The following PCCB variants were observed in gnomAD, a reference collection of about 807,000 sequenced individuals.
The protein encoded by PCCB is propionyl-CoA carboxylase beta chain, mitochondrial.
PCCB carries 43 observed loss-of-function variants against 60.7 expected under a neutral mutation model. That is an observed-to-expected ratio of 0.71 (90% CI 0.55 to 0.91). The LOEUF (loss-of-function observed/expected upper bound fraction) is 0.91. PCCB is among the 40% of genes least tolerant of loss of function. The pLI is 0.00. For missense variants in PCCB, 766 were observed against 702.8 expected (o/e 1.09, Z -1.02); for synonymous variants, 276 against 255.9 (o/e 1.08, Z -0.75).
rs1275355301 is a variant in PCCB at position 136,326,693 on chromosome 3, T to C, written c.1091-110T>C. On this transcript the variant is annotated intron_variant, in intron 10 of 14. Transcript: ENST00000251654. Reference sequence around the variant, plus strand: ...TTACCATTCTGCAACAAAGAAGTGTTGGTGCCTCCACAGAAACCAGCTTTG... The same window carrying C: ...TTACCATTCTGCAACAAAGAAGTGTCGGTGCCTCCACAGAAACCAGCTTTG... The C allele has an allele frequency of 8.7e-6, 7 of 801,568 alleles. No homozygotes were observed. In the East Asian group the frequency reaches 1.2e-4, roughly 14 times the overall value. The allele number at this position is 801,568 out of a possible 1,614,324, so 49.7% of individuals were successfully genotyped here.
intron 5 of PCCB, among the ~76,000 whole-genome samples, chr3:136,278,183 A>G (rs1942382532): frequency 1.3e-5 from 2 of 151,994 alleles, no homozygotes; most frequent in Admixed American, 6.6e-5. Flanking sequence ...TGCTCCCTAA[A>G]TCAGTCCCAG....
intron 9 of PCCB, among the ~76,000 whole-genome samples, chr3:136,314,433 T>C (rs1465013903): frequency 6.6e-6 from 1 of 152,130 alleles, no homozygotes; most frequent in Non-Finnish European, 1.5e-5. Flanking sequence ...GGAGGGCGGA[T>C]TGCTCGAGCT....
chr3:136,317,379 A>G (rs941923831), intron 10 of PCCB, among the ~76,000 whole-genome samples: 3 of 150,626 alleles, frequency 2.0e-5, no homozygotes, highest in Non-Finnish European at 3.0e-5. Flanking sequence ...ATACCACCAT[A>G]CCTGACTAAT....
At chr3:136,298,386 G>C (rs1170244074) in intron 8 of PCCB, among the ~76,000 whole-genome samples, 1 of 151,602 alleles carries the variant, frequency 6.6e-6, no homozygotes, top group Non-Finnish European at 1.5e-5. Flanking sequence ...GTTTTTTTTG[G>C]TCTGGCCTAG....
At chr3:136,283,227 C>T (rs1034646438) in intron 5 of PCCB, among the ~76,000 whole-genome samples, 3 of 152,076 alleles carry the variant, frequency 2.0e-5, no homozygotes, top group Admixed American at 6.5e-5. Context: ...TTTTGAGCCC[C>T]CACATCCTAT....
intron 5 of PCCB, among the ~76,000 whole-genome samples, chr3:136,267,053 C>T (rs945462666): frequency 4.9e-4 from 75 of 151,900 alleles, no homozygotes; most frequent in Non-Finnish European, 3.2e-4. Flanking sequence ...CAGCTAATTT[C>T]TTTGTATTTT....
intron 5 of PCCB, among the ~76,000 whole-genome samples, chr3:136,276,728 T>C (rs990416710): frequency 6.6e-6 from 1 of 152,158 alleles, no homozygotes; most frequent in Non-Finnish European, 1.5e-5. Context: ...GGAGAGAAGA[T>C]ACCTTCTCCA....
chr3:136,299,226 G>A (rs1435482671), intron 8 of PCCB, among the ~76,000 whole-genome samples: 1 of 151,946 alleles, frequency 6.6e-6, no homozygotes, highest in Non-Finnish European at 1.5e-5. Context: ...ATATATGCAT[G>A]TGTATATGCG....
rs1934376273 is a variant in PCCB at position 136,304,079 on chromosome 3, C to G, written c.966+2968C>G. Among the ~76,000 whole-genome samples, 2 of 121,068 alleles carry G rather than the reference C, an allele frequency of 1.7e-5. 1 individual carries two copies. The highest frequency in any genetic ancestry group is 5.0e-5 in the African/African-American group (2 of 39,862). The allele number at this position is 121,068 out of a possible 152,430, so 79.4% of individuals were successfully genotyped here. ...CTGTGTCTCTTTGGCTTCTGGACTA[C>G]ACTCTTGCTGTGTCCTCACGAGGTC... is the stretch of plus-strand genomic sequence containing the variant. On this transcript the variant is annotated intron_variant, in intron 9 of 14. Transcript: ENST00000251654.
chr3:136,262,682 C>A (rs1941858914), intron 5 of PCCB, among the ~76,000 whole-genome samples: 2 of 152,168 alleles, frequency 1.3e-5, no homozygotes. Context: ...GAGAGAGATA[C>A]TGCAGACAGA....
chr3:136,314,424 G>A (rs1934797677), intron 9 of PCCB, among the ~76,000 whole-genome samples: 1 of 152,154 alleles, frequency 6.6e-6, no homozygotes, highest in Non-Finnish European at 1.5e-5. Flanking sequence ...CACTTGTAAG[G>A]AGGGCGGATT....
chr3:136,325,026 G>A (rs569700444), intron 10 of PCCB, among the ~76,000 whole-genome samples: 3 of 152,048 alleles, frequency 2.0e-5, no homozygotes, highest in Non-Finnish European at 4.4e-5. Context: ...TGAGGTAGAT[G>A]GGATTACAGG....
chr3:136,269,885 CA>C (rs1159032335), intron 5 of PCCB, among the ~76,000 whole-genome samples: 5,127 of 60,718 alleles, frequency 0.084, 47 homozygotes, highest in Non-Finnish European at 0.1. Flanking sequence ...GACTCTGTCT[CA>C]AAAAAAAAAA....
At chr3:136,253,683 T>C (rs971727013) in intron 1 of PCCB, among the ~76,000 whole-genome samples, 8 of 150,944 alleles carry the variant, frequency 5.3e-5, no homozygotes, top group Non-Finnish European at 1.2e-4. Context: ...TTTTTTTTTT[T>C]TTCTTGAGAC....
At chr3:136,285,549 A>C (rs1481467107) in intron 6 of PCCB, among the ~76,000 whole-genome samples, 1 of 150,354 alleles carries the variant, frequency 6.7e-6, no homozygotes, top group Non-Finnish European at 1.5e-5. Flanking sequence ...AGACCACTAA[A>C]TCGTTTTTTT....
At chr3:136,298,305 C>T (rs574712988) in intron 8 of PCCB, among the ~76,000 whole-genome samples, 1 of 151,506 alleles carries the variant, frequency 6.6e-6, no homozygotes, top group South Asian at 2.1e-4. Flanking sequence ...GAAGAGTGGC[C>T]CAAAACAGTT....
intron 3 of PCCB, among the ~76,000 whole-genome samples, chr3:136,257,110 A>G (rs778188734): frequency 3.9e-5 from 6 of 152,226 alleles, no homozygotes; most frequent in East Asian, 1.9e-4. Flanking sequence ...AAAGCTATCA[A>G]TATGTTATTT....
chr3:136,264,440 G>GTGTGTA, intron 5 of PCCB, among the ~76,000 whole-genome samples: 9 of 123,812 alleles, frequency 7.3e-5, no homozygotes, highest in Admixed American at 3.1e-4. Context: ...ATGTGTGTGT[G>GTGTGTA]TATATATGTA....
At chr3:136,268,087 G>GATAC (rs1942065134) in intron 5 of PCCB, among the ~76,000 whole-genome samples, 1 of 93,800 alleles carries the variant, frequency 1.1e-5, no homozygotes, top group African/African-American at 4.6e-5. Flanking sequence ...TGTGTGTGTA[G>GATAC]ATATATATAT....
Sources: allele counts gnomAD v4.1 joint callset (sites outside exome capture counted in the v4.1 genomes callset), GRCh38; gene constraint gnomAD v4.1.1; transcripts MANE v1.5; gene names NCBI Gene and HGNC (gene_info 2026-07-23, HGNC 2026-07-21).